The following KATNBL1 variants were observed in gnomAD, a reference collection of about 807,000 sequenced individuals.
KATNBL1 encodes the protein KATNB1-like protein 1.
KATNBL1 carries 28 observed loss-of-function variants against 44.7 expected under a neutral mutation model. The observed-to-expected ratio is 0.63, with a 90% CI of 0.46 to 0.86. The LOEUF (loss-of-function observed/expected upper bound fraction) is 0.86, where lower values mean the gene tolerates loss of function less well. Among genes scored for constraint, KATNBL1 ranks in the 40% least tolerant of loss-of-function variants. The pLI, the probability that KATNBL1 is intolerant of heterozygous loss-of-function variation, is 0.00. For synonymous variants in KATNBL1, 78 were observed against 114.9 expected (o/e 0.68, Z 2.06); for missense variants, 272 against 350.7 (o/e 0.78, Z 1.79).
intron 1 of KATNBL1, among the ~76,000 whole-genome samples, chr15:34,182,706 C>G (rs147619511): frequency 6.6e-6 from 1 of 152,180 alleles, no homozygotes; most frequent in East Asian, 1.9e-4. Context: ...ACATGACAAC[C>G]TGGATAAGTC....
At chr15:34,194,930 T>C (rs1191356946) in intron 1 of KATNBL1, among the ~76,000 whole-genome samples, 3 of 152,142 alleles carry the variant, frequency 2.0e-5, no homozygotes, top group African/African-American at 7.2e-5. Context: ...AGAATGGCTA[T>C]TATTAAAAAG....
intron 1 of KATNBL1, among the ~76,000 whole-genome samples, chr15:34,208,011 T>C (rs1366908450): frequency 6.6e-6 from 1 of 152,256 alleles, no homozygotes; most frequent in African/African-American, 2.4e-5. Context: ...GAGTGTCATA[T>C]ATATTTTTTG....
chr15:34,203,602 T>C (rs746959552), intron 1 of KATNBL1, among the ~76,000 whole-genome samples: 12 of 152,228 alleles, frequency 7.9e-5, no homozygotes, highest in Non-Finnish European at 1.6e-4. Flanking sequence ...TATGCACTTA[T>C]TGCCCATGAC....
At chr15:34,194,135 T>C (rs1049074917) in intron 1 of KATNBL1, among the ~76,000 whole-genome samples, 4 of 151,920 alleles carry the variant, frequency 2.6e-5, no homozygotes, top group Non-Finnish European at 5.9e-5. Context: ...AGAGACGGGG[T>C]TTCTCCATAT....
At chr15:34,171,183 C>T (rs1889147358) in intron 1 of KATNBL1, among the ~76,000 whole-genome samples, 1 of 151,968 alleles carries the variant, frequency 6.6e-6, no homozygotes, top group Non-Finnish European at 1.5e-5. Flanking sequence ...TGCAATCTAC[C>T]CATCTGACAA....
intron 1 of KATNBL1, among the ~76,000 whole-genome samples, chr15:34,170,737 G>C (rs1319325103): frequency 2.6e-5 from 4 of 152,140 alleles, no homozygotes; most frequent in African/African-American, 9.7e-5. Flanking sequence ...TACCAAAACA[G>C]ATATATAGAC....
At chr15:34,160,132 T>C (rs1567521909) in intron 2 of KATNBL1, among the ~76,000 whole-genome samples, 1 of 152,238 alleles carries the variant, frequency 6.6e-6, no homozygotes, top group African/African-American at 2.4e-5. Flanking sequence ...CATTTTCTTT[T>C]AAAGTGACCT....
At chr15:34,191,953 CA>C (rs572381001) in intron 1 of KATNBL1, among the ~76,000 whole-genome samples, 27,611 of 90,704 alleles carry the variant, frequency 0.3, 2,318 homozygotes, top group Middle Eastern at 0.49. Flanking sequence ...GACTCCATCT[CA>C]AAAAAAAAAA....
chr15:34,151,213 A>AT lies in KATNBL1; in HGVS notation c.438+1576dup, dbSNP rs535007018. 2.9e-3 allele frequency among the ~76,000 whole-genome samples: 435 copies of AT among 152,318 alleles called. 1 individual carries two copies. The highest frequency in any genetic ancestry group is 4.6e-3 in the Non-Finnish European group (311 of 68,024). On this transcript the variant is annotated intron_variant, in intron 4 of 9. Coordinates refer to ENST00000256544, the MANE Select transcript of KATNBL1 (RefSeq NM_024713.3). The stretch of plus-strand genomic sequence containing the variant: ...TAAATTACATTGTCACCAGCATTGT[A>AT]TAAGTGTTCTTTTTCCACAACCTTG...
At chr15:34,175,213 A>G (rs1301628169) in intron 1 of KATNBL1, among the ~76,000 whole-genome samples, 1 of 151,946 alleles carries the variant, frequency 6.6e-6, no homozygotes, top group Non-Finnish European at 1.5e-5. Context: ...GAAATCATGA[A>G]ATGCTTGGAA....
intron 1 of KATNBL1, among the ~76,000 whole-genome samples, chr15:34,186,824 A>C (rs1045994680): frequency 2.8e-4 from 43 of 152,308 alleles, no homozygotes; most frequent in African/African-American, 8.4e-4. Context: ...CCTGGATGGA[A>C]GGGGGCAGGG....
At chr15:34,188,469 T>C (rs1322216043) in intron 1 of KATNBL1, among the ~76,000 whole-genome samples, 1 of 152,162 alleles carries the variant, frequency 6.6e-6, no homozygotes, top group Admixed American at 6.5e-5. Flanking sequence ...GGCATGAGAA[T>C]TGCTTGAACC....
intron 1 of KATNBL1, among the ~76,000 whole-genome samples, chr15:34,170,023 T>G (rs983470851): frequency 6.6e-6 from 1 of 152,168 alleles, no homozygotes; most frequent in East Asian, 1.9e-4. Context: ...CTTTGAAAAC[T>G]GGCACAAGAC....
chr15:34,147,467 C>G lies in KATNBL1; in HGVS notation c.558-37G>C, dbSNP rs1315374953. On this transcript the variant is annotated intron_variant, in intron 5 of 9. Transcript: ENST00000256544. ...AAAAGAATAGCATTGCCTTAGAGAG[C>G]TGATTTCCTTATTTACTTTCATATT... 2.0e-6 allele frequency: 3 copies of G among 1,508,048 alleles called. No homozygotes were observed. The Admixed American group carries it at 5.6e-5, about 28-fold the overall frequency. The allele number at this position is 1,508,048 out of a possible 1,614,324, so 93.4% of individuals were successfully genotyped here.
chr15:34,185,453 C>T (rs1889692088), intron 1 of KATNBL1, among the ~76,000 whole-genome samples: 1 of 152,204 alleles, frequency 6.6e-6, no homozygotes, highest in African/African-American at 2.4e-5. Context: ...TGCAAAACTT[C>T]TCTTGGGCAG....
intron 1 of KATNBL1, among the ~76,000 whole-genome samples, chr15:34,182,070 G>T (rs188960403): frequency 5.3e-5 from 8 of 151,720 alleles, no homozygotes; most frequent in African/African-American, 1.7e-4. Context: ...TAAATAATTT[G>T]CCCGAGATTA....
At chr15:34,144,059 T>G (rs1888237663) in intron 9 of KATNBL1, among the ~76,000 whole-genome samples, 1 of 139,894 alleles carries the variant, frequency 7.1e-6, no homozygotes, top group Non-Finnish European at 1.5e-5. Flanking sequence ...TTCTTTTTTT[T>G]GAAGGTATCT....
chr15:34,204,169 G>C (rs1236060257), intron 1 of KATNBL1, among the ~76,000 whole-genome samples: 2 of 152,060 alleles, frequency 1.3e-5, no homozygotes, highest in Non-Finnish European at 2.9e-5. Flanking sequence ...CACAGGCCCA[G>C]ACAGCTCATG....
intron 1 of KATNBL1, chr15:34,208,650 C>T (rs527815645): frequency 4.3e-4 from 66 of 152,284 alleles, no homozygotes; most frequent in South Asian, 2.7e-3. Flanking sequence ...ACACATAAAG[C>T]TTATGAACTC....
Sources: gnomAD v4.1 joint callset for allele counts (sites outside exome capture counted in the v4.1 genomes callset) on GRCh38, gnomAD v4.1.1 for gene constraint, MANE v1.5 for transcripts, NCBI Gene and HGNC (gene_info 2026-07-23, HGNC 2026-07-21) for gene names.